Variants in AFMID observed in about 807,000 individuals in gnomAD.
The protein encoded by AFMID is kynurenine formamidase.
A neutral mutation model predicts 47.5 loss-of-function variants in AFMID; 39 were observed. The observed-to-expected ratio is 0.82, with a 90% CI of 0.64 to 1.07. AFMID has a LOEUF of 1.07. AFMID is among the 50% of genes least tolerant of loss of function. AFMID has a pLI of 0.00. For missense variants in AFMID, 375 were observed against 387.5 expected, an observed-to-expected ratio of 0.97 and a Z score of 0.27; for synonymous variants, 130 against 153.2, an observed-to-expected ratio of 0.85 and a Z score of 1.12.
At chr17:78,202,813 T>C (rs2076281917) in intron 4 of AFMID, 62 bp downstream of exon 4, 2 of 1,541,948 alleles carry the variant, frequency 1.3e-6, no homozygotes, top group African/African-American at 1.4e-5. Context: ...GGGGGACTCC[T>C]CCTCCAGGGC....
In AFMID at chr17:78,207,185, GC is replaced by G. The variant is rs2076404138; in HGVS notation, c.*251del. ...CGTCCGCAAGTCAATGCTCAGAGAT[GC>G]CCGGAGCTGCCTCTTAGACTCGTCT... On this transcript the variant is annotated 3_prime_UTR_variant, in exon 11 of 11. Transcript: ENST00000409257. 1 of 553,140 alleles carries G rather than the reference GC, an allele frequency of 1.8e-6. No homozygotes were observed. The highest frequency in any genetic ancestry group is 1.9e-5 in the African/African-American group (1 of 51,982). The allele number at this position is 553,140 out of a possible 1,614,324, so 34.3% of individuals were successfully genotyped here.
intron 3 of AFMID, 43 bp downstream of exon 3, chr17:78,202,646 A>G: frequency 1.3e-6 from 2 of 1,584,380 alleles, no homozygotes; most frequent in Non-Finnish European, 1.7e-6. Context: ...TTGGGGGTCC[A>G]GTGGCAGAGC....
At chr17:78,203,348 A>G (rs1599012436) in intron 4 of AFMID, 1 of 143,074 alleles carries the variant, frequency 7.0e-6, no homozygotes, top group East Asian at 2.0e-4. Context: ...GGCGTGAGCC[A>G]CCACACCAGC....
intron 1 of AFMID, among the ~76,000 whole-genome samples, chr17:78,190,534 C>T (rs2075937516): frequency 6.6e-6 from 1 of 152,206 alleles, no homozygotes; most frequent in Non-Finnish European, 1.5e-5. Context: ...GCTGGGATTA[C>T]AGGTGCACAC....
rs750415064 is a variant in AFMID at position 78,205,477 on chromosome 17, C to T, written c.603C>T (p.Pro201=). Residue 201 remains proline (P), a synonymous_variant, in exon 8 of 11, where the codon CCC becomes CCT. Transcript: ENST00000409257. ...FLVSGVFDLE[P]IVYTSQNVAL... is the part of the protein sequence containing the mutation. ...TGAGTGGGGTCTTTGACCTGGAGCC[C>T]ATCGTGTATACTTCACAGAACGTTG... 5.0e-6 allele frequency: 8 copies of T among 1,614,226 alleles called. No homozygotes were observed. Among genetic ancestry groups the T allele is most frequent in the South Asian group, 4.4e-5 (4 of 91,086 alleles).
chr17:78,199,128 T>C (rs2076185008), intron 2 of AFMID, among the ~76,000 whole-genome samples: 1 of 152,264 alleles, frequency 6.6e-6, no homozygotes. Flanking sequence ...AAACAGGTTT[T>C]GCAACCTCAC....
chr17:78,206,094 G>A (rs759942774), intron 10 of AFMID, 44 bp downstream of exon 10: 3 of 1,557,736 alleles, frequency 1.9e-6, no homozygotes, highest in Admixed American at 3.4e-5. Context: ...AGACAGCACA[G>A]GTCCTGTCGC....
chr17:78,194,359 G>C (rs4402626), intron 2 of AFMID, among the ~76,000 whole-genome samples: 1 of 152,090 alleles, frequency 6.6e-6, no homozygotes, highest in Non-Finnish European at 1.5e-5. Flanking sequence ...TCCTGGCCTC[G>C]AGTGATCTGC....
chr17:78,199,386 CT>C (rs11437763), intron 2 of AFMID, among the ~76,000 whole-genome samples: 2 of 146,780 alleles, frequency 1.4e-5, no homozygotes, highest in Non-Finnish European at 3.0e-5. Context: ...TTTTTCTTTT[CT>C]TTTTTTTTGA....
At chr17:78,187,993 A>G (rs1272168680) in intron 1 of AFMID, among the ~76,000 whole-genome samples, 7 of 147,870 alleles carry the variant, frequency 4.7e-5, no homozygotes, top group African/African-American at 1.7e-4. Flanking sequence ...AAAAAAATCC[A>G]TAGACCCGCA....
chr17:78,187,453 G>A lies in AFMID; in HGVS notation c.63+20G>A, dbSNP rs749351060. 201 of 1,613,502 alleles carry A rather than the reference G, an allele frequency of 1.2e-4. No individual in the cohort carries two copies. Among genetic ancestry groups the A allele is most frequent in the Non-Finnish European group, 1.7e-4 (196 of 1,179,718 alleles). The stretch of plus-strand genomic sequence containing the variant: ...GCAGAGGTAGGTGGATTGCAGGGAG[G>A]GACTAAGGGGCTGGGGCGGAGTTAG... On this transcript the variant is annotated intron_variant, in intron 1 of 10. Transcript: ENST00000409257.
At position 78,205,583 on chromosome 17, in the gene AFMID, CT is replaced by C; in HGVS notation, c.645-19del. On this transcript the variant is annotated intron_variant, in intron 8 of 10. Coordinates refer to ENST00000409257, the MANE Select transcript of AFMID (RefSeq NM_001010982.5). ...GCCTGGCTCCTCTCTGTCCTGACCC[CT>C]GTCCACTCCCCACCCCAGGGAGGAC... 6.2e-7 allele frequency: 1 copy of C among 1,614,060 alleles called. No homozygotes were observed. The highest frequency in any genetic ancestry group is 8.5e-7 in the Non-Finnish European group (1 of 1,179,958).
intron 1 of AFMID, among the ~76,000 whole-genome samples, chr17:78,188,816 CT>C (rs2075878987): frequency 6.6e-6 from 1 of 152,132 alleles, no homozygotes; most frequent in Non-Finnish European, 1.5e-5. Context: ...CCAGGATGGT[CT>C]CCAACTCCTG....
At chr17:78,192,427 G>A (rs1335760605) in intron 2 of AFMID, among the ~76,000 whole-genome samples, 1 of 147,812 alleles carries the variant, frequency 6.8e-6, no homozygotes, top group Non-Finnish European at 1.5e-5. Context: ...CGATTCTTCT[G>A]CCTCAGCCTC....
chr17:78,205,578 G>C (rs752461459), intron 8 of AFMID, 25 bp from the exon 9 acceptor site: 5 of 1,613,808 alleles, frequency 3.1e-6, no homozygotes, highest in Admixed American at 3.3e-5. Flanking sequence ...TCTCTGTCCT[G>C]ACCCCTGTCC....
rs1046906711 is a variant in AFMID at position 78,202,524 on chromosome 17, G to A, written c.180G>A (p.Arg60=). The A allele has an allele frequency of 2.5e-6, 4 of 1,614,146 alleles. No individual in the cohort carries two copies. The highest frequency in any genetic ancestry group is 3.4e-6 in the Non-Finnish European group (4 of 1,180,030). Residue 60 remains arginine (R), a synonymous_variant, in exon 3 of 11, where the codon AGG becomes AGA. Transcript: ENST00000409257. ...CCACCACAAGGGCCCGGGCCACCAG[G>A]AAGAGCCTGCTGCATGTCCCCTATG... is the stretch of plus-strand genomic sequence containing the variant. The part of the protein sequence containing the change: ...IEATTRARAT[R]KSLLHVPYGD...
chr17:78,194,610 G>A (rs1044764278), intron 2 of AFMID, among the ~76,000 whole-genome samples: 4 of 152,156 alleles, frequency 2.6e-5, no homozygotes, highest in Admixed American at 6.6e-5. Flanking sequence ...TGGTCAGGGC[G>A]CAGGAGGCTG....
chr17:78,196,516 T>A (rs2076118297), intron 2 of AFMID, among the ~76,000 whole-genome samples: 1 of 151,966 alleles, frequency 6.6e-6, no homozygotes, highest in African/African-American at 2.4e-5. Context: ...CCTTCTCTAC[T>A]GAAAATACAA....
intron 7 of AFMID, 94 bp downstream of exon 7, chr17:78,205,284 G>A: frequency 1.4e-6 from 2 of 1,452,034 alleles, no homozygotes; most frequent in Admixed American, 1.8e-5. Context: ...CCGGCCATGA[G>A]TGGCTTGACC....
Sources: gnomAD v4.1 joint callset for allele counts (sites outside exome capture counted in the v4.1 genomes callset) on GRCh38, gnomAD v4.1.1 for gene constraint, MANE v1.5 for transcripts, NCBI Gene and HGNC (gene_info 2026-07-23, HGNC 2026-07-21) for gene names.